Variants in TOMM22 observed in about 807,000 individuals in gnomAD.
TOMM22 encodes mitochondrial import receptor subunit TOM22 homolog.
In TOMM22, 3 loss-of-function variants were observed where a neutral mutation model predicts 17.1. The ratio of observed to expected loss-of-function variants is 0.18; its 90% CI spans 0.08 to 0.45. The LOEUF (loss-of-function observed/expected upper bound fraction) is 0.45. TOMM22 is among the 20% of genes least tolerant of loss of function. The probability of loss-of-function intolerance (pLI) is 0.99; values close to 1 mark genes in which losing one functional copy is unlikely to be tolerated. For synonymous variants in TOMM22, 91 were observed against 74.0 expected (o/e 1.23, Z -1.18); for missense variants, 159 against 179.5 (o/e 0.89, Z 0.65).
At chr22:38,682,195 C>T (rs1416715475) in intron 1 of TOMM22, 100 bp downstream of exon 1, 17 of 1,489,940 alleles carry the variant, frequency 1.1e-5, no homozygotes, top group Non-Finnish European at 1.5e-5. Context: ...CTTTGGGAGG[C>T]GGGGTTAGGG....
intron 2 of TOMM22, 41 bp from the exon 3 acceptor site, chr22:38,682,838 G>T (rs1378462965): frequency 6.4e-7 from 1 of 1,573,808 alleles, no homozygotes; most frequent in Non-Finnish European, 8.7e-7. Flanking sequence ...TGTTTTGTTT[G>T]CATGTCTTCA....
In TOMM22 at chr22:38,683,766, G is replaced by C. The variant is rs1325331277; in HGVS notation, c.355-1G>C. 6.2e-7 allele frequency: 1 copy of C among 1,613,446 alleles called. No individual in the cohort carries two copies. Among genetic ancestry groups the C allele is most frequent in the Admixed American group, 1.7e-5 (1 of 59,960 alleles). ...CTTACACCCCTCCTTTTCTTTTCCA[G>C]ATACTTCTAGGACCTAACACAGGGC... On this transcript the variant is annotated splice_acceptor_variant, in intron 3 of 3. Coordinates refer to ENST00000216034, the MANE Select transcript of TOMM22 (RefSeq NM_020243.5). LOFTEE classifies it high-confidence loss of function.
chr22:38,683,695 C>A, intron 3 of TOMM22, 72 bp from the exon 4 acceptor site: 1 of 1,185,900 alleles, frequency 8.4e-7, no homozygotes, highest in Non-Finnish European at 1.2e-6. Flanking sequence ...TAGACGTTGG[C>A]CCCATCAGGT....
Position 38,682,017 on chromosome 22 carries a change from C to A in TOMM22, c.39C>A (p.Pro13=), listed in dbSNP as rs192706879. The A allele has an allele frequency of 1.2e-6, 2 of 1,611,276 alleles. No homozygotes were observed. Among genetic ancestry groups the A allele is most frequent in the African/African-American group, 2.7e-5 (2 of 74,892 alleles). ...TCGCTGCTGCCGGTGCAGGGGAACCCCAGTCCCCGGACGAATTGCTCCCGA... is the reference window on the plus strand; with the variant it reads ...TCGCTGCTGCCGGTGCAGGGGAACCACAGTCCCCGGACGAATTGCTCCCGA... ...AAVAAAGAGE[P]QSPDELLPKG... is the part of the protein sequence containing the mutation. Residue 13 remains proline (P), a synonymous_variant, in exon 1 of 4, where the codon CCC becomes CCA. Transcript: ENST00000216034.
At position 38,682,311 on chromosome 22, in the gene TOMM22, ACTC is replaced by A; in HGVS notation, c.118-10_118-8del. 6.2e-7 allele frequency: 1 copy of A among 1,610,996 alleles called. No individual in the cohort carries two copies. Among genetic ancestry groups the A allele is most frequent in the Non-Finnish European group, 8.5e-7 (1 of 1,177,508 alleles). On this transcript the variant is annotated splice_polypyrimidine_tract_variant and intron_variant, in intron 1 of 3. Transcript: ENST00000216034. ...GCTTTTTCGGCTAAGACCCGCGTCT[ACTC>A]CACCACAGCTAGATGAGACCCTGTC...
At chr22:38,683,201 T>C (rs1008197529) in intron 3 of TOMM22, among the ~76,000 whole-genome samples, 3 of 151,950 alleles carry the variant, frequency 2.0e-5, no homozygotes, top group Non-Finnish European at 2.9e-5. Context: ...GAATTTCTAT[T>C]ATTACATTGT....
In TOMM22 at chr22:38,685,064, TCACCCAC is replaced by T. The variant is rs1569260724; in HGVS notation, c.*1227_*1233del. 1 of 152,194 alleles carries T rather than the reference TCACCCAC, an allele frequency of 6.6e-6. No individual in the cohort carries two copies. The highest frequency in any genetic ancestry group is 1.5e-5 in the Non-Finnish European group (1 of 68,050). 9.4% of individuals were successfully genotyped at this position (152,194 alleles called of 1,614,324 possible). A position where few individuals can be genotyped will look rare whatever the true frequency, so the allele number is the denominator to read the frequency against. ...CCTCAAAGTGCTGGGATTATAGGCG[TCACCCAC>T]CACGCCCAGCCAGAGTAAGCCTTTT... is the stretch of plus-strand genomic sequence containing the variant. On this transcript the variant is annotated 3_prime_UTR_variant, in exon 4 of 4. Transcript: ENST00000216034.
chr22:38,683,628 T>C (rs539650476), intron 3 of TOMM22, 139 bp from the exon 4 acceptor site: 209 of 617,252 alleles, frequency 3.4e-4, no homozygotes, highest in Non-Finnish European at 5.2e-4. Flanking sequence ...TGGGTGGGGA[T>C]TGGGATCGGG....
At chr22:38,683,740 C>A in intron 3 of TOMM22, 27 bp from the exon 4 acceptor site, 1 of 1,592,448 alleles carries the variant, frequency 6.3e-7, no homozygotes, top group Non-Finnish European at 8.6e-7. Flanking sequence ...CTGTATGATG[C>A]CTTACACCCC....
At chr22:38,683,708 G>T in intron 3 of TOMM22, 59 bp from the exon 4 acceptor site, 1 of 1,360,154 alleles carries the variant, frequency 7.4e-7, no homozygotes, top group South Asian at 1.2e-5. Flanking sequence ...CATCAGGTAT[G>T]GTGAGAATAA....
chr22:38,682,237 G>C, intron 1 of TOMM22, 86 bp from the exon 2 acceptor site: 1 of 1,532,502 alleles, frequency 6.5e-7, no homozygotes. Flanking sequence ...CCTAGCTCCA[G>C]TGGGGCTCGG....
At chr22:38,682,144 G>A in intron 1 of TOMM22, 49 bp downstream of exon 1, 1 of 1,539,108 alleles carries the variant, frequency 6.5e-7, no homozygotes, top group East Asian at 2.4e-5. Flanking sequence ...CCGCTCGTGG[G>A]TGTGGGATCC....
chr22:38,683,497 G>T lies in TOMM22; in HGVS notation c.355-270G>T, dbSNP rs531959830. On this transcript the variant is annotated intron_variant, in intron 3 of 3. Transcript: ENST00000216034. Reference sequence around the variant, plus strand: ...AACACAGATGAAGCTTCTCTCACTTGCCTGCTGCTGATCTACTGCTGTGTG... The same window carrying T: ...AACACAGATGAAGCTTCTCTCACTTTCCTGCTGCTGATCTACTGCTGTGTG... 5.2e-4 allele frequency among the ~76,000 whole-genome samples: 79 copies of T among 152,348 alleles called. 3 individuals are homozygous for T. The South Asian group carries it at 0.016, about 31-fold the overall frequency.
chr22:38,683,097 GAACACAGTTTTTACAT>G, intron 3 of TOMM22, 101 bp downstream of exon 3: 1 of 481,294 alleles, frequency 2.1e-6, no homozygotes, highest in Non-Finnish European at 3.3e-6. Context: ...TGGTTTCATG[GAACACAGTTTTTACAT>G]GGATGGTGGG....
chr22:38,684,491 T>C lies in TOMM22; in HGVS notation c.*650T>C, dbSNP rs2092490076. The C allele has an allele frequency of 6.6e-6, 1 of 152,240 alleles. No homozygotes were observed. Among genetic ancestry groups the C allele is most frequent in the South Asian group, 2.1e-4 (1 of 4,830 alleles). The allele number at this position is 152,240 out of a possible 1,614,324, so 9.4% of individuals were successfully genotyped here. A position where few individuals can be genotyped will look rare whatever the true frequency, so the allele number is the denominator to read the frequency against. On this transcript the variant is annotated 3_prime_UTR_variant, in exon 4 of 4. Transcript: ENST00000216034. ...TTAAAAATGATTCCAACTGAAAGTG[T>C]CATCCTAAGTACCTTGAAATGAGAC...
Position 38,682,934 on chromosome 22 carries a change from C to T in TOMM22, c.292C>T (p.Pro98Ser). ...CACTTCCTTTATGATCCTGGTTCTTCCCGTTGTCTTTGAGACGGAGAAGTT... is the reference window on the plus strand; with the variant it reads ...CACTTCCTTTATGATCCTGGTTCTTTCCGTTGTCTTTGAGACGGAGAAGTT... ...GTTSFMILVL[P>S]VVFETEKLQM... Residue 98 changes from proline to serine, a missense_variant, in exon 3 of 4, where the codon CCC becomes TCC. Coordinates refer to ENST00000216034, the MANE Select transcript of TOMM22 (RefSeq NM_020243.5). 2 of 1,613,822 alleles carry T rather than the reference C, an allele frequency of 1.2e-6. No homozygotes were observed. The highest frequency in any genetic ancestry group is 1.7e-6 in the Non-Finnish European group (2 of 1,179,894).
In TOMM22 at chr22:38,682,232, C is replaced by G. The variant is rs2092480858; in HGVS notation, c.118-91C>G. On this transcript the variant is annotated intron_variant, in intron 1 of 3. Coordinates refer to ENST00000216034, the MANE Select transcript of TOMM22 (RefSeq NM_020243.5). ...CCCTGCTGGGCCCTGGGTGCCCTAG[C>G]TCCAGTGGGGCTCGGCGGCTCCCAG... is the stretch of plus-strand genomic sequence containing the variant. 2.0e-6 allele frequency: 3 copies of G among 1,519,904 alleles called. No individual in the cohort carries two copies. In the South Asian group the frequency reaches 3.4e-5, roughly 17 times the overall value. The allele number at this position is 1,519,904 out of a possible 1,614,324, so 94.2% of individuals were successfully genotyped here.
chr22:38,683,059 G>C, intron 3 of TOMM22, 63 bp downstream of exon 3: 1 of 1,271,774 alleles, frequency 7.9e-7, no homozygotes, highest in Non-Finnish European at 1.1e-6. Context: ...CTAACACATT[G>C]GTCCCCAACC....
chr22:38,683,049 C>A, intron 3 of TOMM22, 53 bp downstream of exon 3: 1 of 1,358,848 alleles, frequency 7.4e-7, no homozygotes, highest in Non-Finnish European at 1.0e-6. Flanking sequence ...AGTTATTTCA[C>A]TAACACATTG....
Sources: allele counts gnomAD v4.1 joint callset (sites outside exome capture counted in the v4.1 genomes callset), GRCh38; gene constraint gnomAD v4.1.1; transcripts MANE v1.5; gene names NCBI Gene and HGNC (gene_info 2026-07-23, HGNC 2026-07-21).